Variants in ITPR2 observed in about 807,000 individuals in gnomAD.
ITPR2 encodes inositol 1,4,5-trisphosphate receptor type 2.
A neutral mutation model predicts 317.1 loss-of-function variants in ITPR2; 207 were observed. That is an observed-to-expected ratio of 0.65 (90% CI 0.58 to 0.73). The LOEUF (loss-of-function observed/expected upper bound fraction) is 0.73, where lower values mean the gene tolerates loss of function less well. ITPR2 is among the 30% of genes least tolerant of loss of function. The probability of loss-of-function intolerance (pLI) is 0.00; values close to 1 mark genes in which losing one functional copy is unlikely to be tolerated. For synonymous variants in ITPR2, 1,156 were observed against 1,149.1 expected, an observed-to-expected ratio of 1.01 and a Z score of -0.12; for missense variants, 2,613 against 3,284.0, an observed-to-expected ratio of 0.80 and a Z score of 4.99.
At chr12:26,482,708 A>C (rs1942571438) in intron 42 of ITPR2, among the ~76,000 whole-genome samples, 1 of 152,224 alleles carries the variant, frequency 6.6e-6, no homozygotes, top group African/African-American at 2.4e-5. Context: ...TGTTTATGCC[A>C]AAACTGTCCT....
At chr12:26,765,789 CCT>C (rs1949710245) in intron 2 of ITPR2, among the ~76,000 whole-genome samples, 1 of 152,094 alleles carries the variant, frequency 6.6e-6, no homozygotes, top group South Asian at 2.1e-4. Context: ...GTACTTACTG[CCT>C]CTCTTTACCT....
At chr12:26,414,736 AG>A (rs1193217212) in intron 51 of ITPR2, among the ~76,000 whole-genome samples, 1 of 152,198 alleles carries the variant, frequency 6.6e-6, no homozygotes, top group East Asian at 1.9e-4. Flanking sequence ...CGACAAAAAT[AG>A]AGTATAGAAA....
At chr12:26,789,304 A>G (rs1950305897) in intron 2 of ITPR2, among the ~76,000 whole-genome samples, 2 of 152,362 alleles carry the variant, frequency 1.3e-5, no homozygotes, top group South Asian at 2.1e-4. Context: ...CCTATCCCAG[A>G]GAGTAAAACA....
chr12:26,576,476 C>T (rs978815319), intron 34 of ITPR2, among the ~76,000 whole-genome samples: 3 of 152,302 alleles, frequency 2.0e-5, no homozygotes, highest in African/African-American at 7.2e-5. Flanking sequence ...TCCCCTCCCA[C>T]ACCATTCAGT....
chr12:26,686,414 T>C lies in ITPR2; in HGVS notation c.1148+67A>G. 2.9e-6 allele frequency: 3 copies of C among 1,021,778 alleles called. No homozygotes were observed. The East Asian group carries it at 8.3e-5, about 28-fold the overall frequency. The allele number at this position is 1,021,778 out of a possible 1,614,324, so 63.3% of individuals were successfully genotyped here. Reference sequence around the variant, plus strand: ...TATCATAAAAATATATTAATATTATTATTTTCATTCCTCACCTACTGGTAT... The same window carrying C: ...TATCATAAAAATATATTAATATTATCATTTTCATTCCTCACCTACTGGTAT... On this transcript the variant is annotated intron_variant, in intron 11 of 56. Coordinates refer to ENST00000381340, the MANE Select transcript of ITPR2 (RefSeq NM_002223.4).
intron 32 of ITPR2, among the ~76,000 whole-genome samples, chr12:26,594,216 A>G (rs993416689): frequency 2.0e-5 from 3 of 152,200 alleles, no homozygotes; most frequent in Non-Finnish European, 2.9e-5. Flanking sequence ...ATGGAAATGA[A>G]GTAAAACAGG....
chr12:26,392,497 T>A (rs1055067189), intron 54 of ITPR2, among the ~76,000 whole-genome samples: 1 of 152,206 alleles, frequency 6.6e-6, no homozygotes, highest in African/African-American at 2.4e-5. Context: ...CACTTCACTA[T>A]GAAAATGTGC....
Position 26,390,965 on chromosome 12 carries a change from C to T in ITPR2, c.7697-3371G>A, listed in dbSNP as rs371014388. ...TACGGTAGAGGAAACAGGCACGTTG[C>T]GTTATATTCTGAAGAGGTATAAACT... On this transcript the variant is annotated intron_variant, in intron 54 of 56. Coordinates refer to ENST00000381340, the MANE Select transcript of ITPR2 (RefSeq NM_002223.4). Among the ~76,000 whole-genome samples, 54 of 152,134 alleles carry T rather than the reference C, an allele frequency of 3.5e-4. No individual in the cohort carries two copies. The South Asian group carries it at 8.7e-3, about 25-fold the overall frequency.
chr12:26,724,558 T>C (rs1565719424), intron 4 of ITPR2, 98 bp downstream of exon 4: 2 of 722,538 alleles, frequency 2.8e-6, no homozygotes, highest in Non-Finnish European at 4.9e-6. Context: ...AAGAACAAAC[T>C]TCCTGTATCT....
At chr12:26,539,409 T>C (rs578143937) in intron 37 of ITPR2, among the ~76,000 whole-genome samples, 59 of 152,314 alleles carry the variant, frequency 3.9e-4, no homozygotes, top group African/African-American at 1.3e-3. Context: ...CCTGGTTTTA[T>C]AGTAAGTTTT....
intron 45 of ITPR2, among the ~76,000 whole-genome samples, chr12:26,469,822 G>A (rs1942256323): frequency 6.6e-6 from 1 of 152,142 alleles, no homozygotes; most frequent in East Asian, 1.9e-4. Flanking sequence ...GCTGCATTCA[G>A]CTTGCTGCTG....
intron 55 of ITPR2, among the ~76,000 whole-genome samples, chr12:26,377,355 G>A (rs1178609284): frequency 2.0e-5 from 3 of 152,134 alleles, no homozygotes; most frequent in South Asian, 2.1e-4. Flanking sequence ...TCTAAACCAA[G>A]CCTAGCACCT....
At chr12:26,692,355 A>G (rs1386411689) in intron 10 of ITPR2, among the ~76,000 whole-genome samples, 1 of 152,222 alleles carries the variant, frequency 6.6e-6, no homozygotes, top group Non-Finnish European at 1.5e-5. Context: ...TAAACATCCT[A>G]CAGGCAAAAG....
intron 2 of ITPR2, among the ~76,000 whole-genome samples, chr12:26,766,112 C>A (rs541066972): frequency 4.1e-4 from 63 of 152,196 alleles, no homozygotes; most frequent in Admixed American, 3.1e-3. Flanking sequence ...CATTTGGGTA[C>A]AAATTTTTGT....
chr12:26,733,313 CAA>C (rs1200350846), intron 2 of ITPR2, among the ~76,000 whole-genome samples: 10 of 49,528 alleles, frequency 2.0e-4, no homozygotes, highest in Non-Finnish European at 3.1e-4. Context: ...GACTCCATCT[CAA>C]AAAAAAAAAA....
intron 21 of ITPR2, among the ~76,000 whole-genome samples, chr12:26,636,346 A>G (rs1946865535): frequency 6.6e-6 from 1 of 152,164 alleles, no homozygotes; most frequent in African/African-American, 2.4e-5. Flanking sequence ...CTGTGTGTTT[A>G]TTGCAGTCCC....
chr12:26,385,172 G>C (rs1032293630), intron 55 of ITPR2, among the ~76,000 whole-genome samples: 1 of 152,146 alleles, frequency 6.6e-6, no homozygotes, highest in Non-Finnish European at 1.5e-5. Context: ...CAGCAGATAA[G>C]AGACAGAGCA....
chr12:26,656,402 C>T lies in ITPR2; in HGVS notation c.2339G>A (p.Arg780His), dbSNP rs756094266. ...LPFDLRASFCRLMLHMHVDRD... is the reference protein window; with the variant it reads ...LPFDLRASFCHLMLHMHVDRD... ...GTCAACGTGCATGTGGAGCATGAGG[C>T]GACAGAAGGACGCTCGGAGGTCGAA... Residue 780 changes from arginine to histidine, a missense_variant, in exon 19 of 57, where the codon CGC becomes CAC. Coordinates refer to ENST00000381340, the MANE Select transcript of ITPR2 (RefSeq NM_002223.4). The T allele has an allele frequency of 9.9e-6, 16 of 1,614,136 alleles. No homozygotes were observed. Among genetic ancestry groups the T allele is most frequent in the South Asian group, 6.6e-5 (6 of 91,068 alleles).
At chr12:26,342,735 G>A (rs76309861) in intron 55 of ITPR2, among the ~76,000 whole-genome samples, 49,229 of 151,896 alleles carry the variant, frequency 0.32, 9,483 homozygotes, top group East Asian at 0.66. Context: ...TCAGCCTCCC[G>A]AGTAGCTGGG....
Sources: gnomAD v4.1 joint callset for allele counts (sites outside exome capture counted in the v4.1 genomes callset) on GRCh38, gnomAD v4.1.1 for gene constraint, MANE v1.5 for transcripts, NCBI Gene and HGNC (gene_info 2026-07-23, HGNC 2026-07-21) for gene names.